The following WDR17 variants were observed in gnomAD, a reference collection of about 807,000 sequenced individuals.
The protein encoded by WDR17 is WD repeat-containing protein 17.
A neutral mutation model predicts 161.7 loss-of-function variants in WDR17; 143 were observed. The ratio of observed to expected loss-of-function variants is 0.88; its 90% CI spans 0.77 to 1.02. The LOEUF (loss-of-function observed/expected upper bound fraction) is 1.02, where lower values mean the gene tolerates loss of function less well. Among genes scored for constraint, WDR17 ranks in the 50% least tolerant of loss-of-function variants. WDR17 has a pLI of 0.00. For synonymous variants in WDR17, 517 were observed against 515.6 expected (o/e 1.00, Z -0.04); for missense variants, 1,469 against 1,520.9 (o/e 0.97, Z 0.57).
At chr4:176,166,163 TAAGAACAC>T (rs2126864543) in intron 22 of WDR17, 1 of 890,592 alleles carries the variant, frequency 1.1e-6, no homozygotes, top group East Asian at 3.0e-5. Flanking sequence ...TACTTTTATT[TAAGAACAC>T]ATTCCTTTAA....
intron 1 of WDR17, among the ~76,000 whole-genome samples, chr4:176,066,610 A>G (rs1004789446): frequency 1.3e-5 from 2 of 152,192 alleles, no homozygotes; most frequent in Non-Finnish European, 2.9e-5. Flanking sequence ...TCCCCTCTCC[A>G]AAATCAGACT....
intron 17 of WDR17, among the ~76,000 whole-genome samples, chr4:176,154,564 G>A (rs1350056526): frequency 1.3e-5 from 2 of 151,996 alleles, no homozygotes; most frequent in Admixed American, 1.3e-4. Flanking sequence ...ATTTTTTTAA[G>A]CTTATCTATT....
intron 9 of WDR17, among the ~76,000 whole-genome samples, chr4:176,139,247 T>C (rs1034151958): frequency 2.0e-5 from 3 of 151,972 alleles, no homozygotes; most frequent in Non-Finnish European, 2.9e-5. Context: ...ACAACTTTTA[T>C]TTACTGATCA....
intron 22 of WDR17, among the ~76,000 whole-genome samples, chr4:176,167,799 A>G (rs1750101509): frequency 6.6e-6 from 1 of 152,012 alleles, no homozygotes; most frequent in Non-Finnish European, 1.5e-5. Flanking sequence ...CTAAGTACAT[A>G]CCATTTTATA....
Position 176,131,689 on chromosome 4 carries a change from T to C in WDR17, c.1049T>C (p.Val350Ala), listed in dbSNP as rs368563812. Residue 350 changes from valine to alanine, a missense_variant, in exon 7 of 29, where the codon GTT (valine) becomes GCT (alanine). Transcript: ENST00000508596. Reference protein sequence around the residue: ...HAVCCFLDGGVGLYDMGAKKW... With the variant: ...HAVCCFLDGGAGLYDMGAKKW... ...GTGTGTTGTTTCTTGGATGGTGGAG[T>C]TGGACTTTATGATATGGGAGCTAAG... is the stretch of plus-strand genomic sequence containing the variant. 5 of 1,613,270 alleles carry C rather than the reference T, an allele frequency of 3.1e-6. No homozygotes were observed. The highest frequency in any genetic ancestry group is 4.2e-6 in the Non-Finnish European group (5 of 1,179,686).
intron 4 of WDR17, among the ~76,000 whole-genome samples, chr4:176,124,882 A>G (rs779380630): frequency 1.3e-5 from 2 of 152,208 alleles, no homozygotes; most frequent in Non-Finnish European, 2.9e-5. Context: ...CATTCAAGGC[A>G]CTGGAAATTG....
intron 1 of WDR17, among the ~76,000 whole-genome samples, chr4:176,095,604 C>T (rs1736727986): frequency 6.6e-6 from 1 of 152,006 alleles, no homozygotes; most frequent in Non-Finnish European, 1.5e-5. Flanking sequence ...TCCCCCCTCC[C>T]CTACCCTCCT....
At chr4:176,089,894 CCTT>C (rs1284309463) in intron 1 of WDR17, among the ~76,000 whole-genome samples, 10 of 152,042 alleles carry the variant, frequency 6.6e-5, no homozygotes, top group African/African-American at 2.4e-4. Flanking sequence ...TGCTTTTACT[CCTT>C]CTCCATTGTT....
chr4:176,151,484 T>C (rs1554032804), intron 16 of WDR17, among the ~76,000 whole-genome samples: 1 of 152,226 alleles, frequency 6.6e-6, no homozygotes, highest in Non-Finnish European at 1.5e-5. Context: ...CAGAGCTATA[T>C]GCTTTTGAAG....
At chr4:176,095,303 G>A (rs1482008118) in intron 1 of WDR17, among the ~76,000 whole-genome samples, 1 of 152,174 alleles carries the variant, frequency 6.6e-6, no homozygotes, top group Non-Finnish European at 1.5e-5. Flanking sequence ...CAAGGTAACA[G>A]ATTCAAGGAA....
intron 1 of WDR17, among the ~76,000 whole-genome samples, chr4:176,082,578 C>G (rs143450435): frequency 1.4e-4 from 22 of 151,938 alleles, no homozygotes; most frequent in Non-Finnish European, 1.5e-5. Flanking sequence ...TTGTCCTTAA[C>G]GATCCAAGAT....
intron 1 of WDR17, among the ~76,000 whole-genome samples, chr4:176,076,431 A>T (rs1329487636): frequency 9.2e-6 from 1 of 108,490 alleles, no homozygotes; most frequent in Non-Finnish European, 1.9e-5. Flanking sequence ...TTTTGGCTGC[A>T]TCTCAGATTG....
At chr4:176,160,521 C>T (rs1748876802) in intron 19 of WDR17, among the ~76,000 whole-genome samples, 1 of 152,050 alleles carries the variant, frequency 6.6e-6, no homozygotes, top group African/African-American at 2.4e-5. Flanking sequence ...GGGGTTTCAC[C>T]ATGTTGGCCA....
chr4:176,067,257 T>C (rs1267760870), intron 1 of WDR17, among the ~76,000 whole-genome samples: 1 of 152,210 alleles, frequency 6.6e-6, no homozygotes, highest in South Asian at 2.1e-4. Flanking sequence ...AAATTAAATA[T>C]AGTTATTAAG....
chr4:176,092,130 C>G (rs1220076452), intron 1 of WDR17, among the ~76,000 whole-genome samples: 1 of 151,994 alleles, frequency 6.6e-6, no homozygotes, highest in South Asian at 2.1e-4. Flanking sequence ...CAAAACCAGA[C>G]AAAGACCCAA....
intron 3 of WDR17, among the ~76,000 whole-genome samples, chr4:176,118,085 A>G (rs1740924823): frequency 6.6e-6 from 1 of 152,148 alleles, no homozygotes; most frequent in African/African-American, 2.4e-5. Context: ...CCAAATGTAA[A>G]ATGTAAAAAT....
At chr4:176,110,603 A>G (rs1200622695) in intron 1 of WDR17, among the ~76,000 whole-genome samples, 4 of 152,158 alleles carry the variant, frequency 2.6e-5, no homozygotes, top group Non-Finnish European at 5.9e-5. Flanking sequence ...TTTTGTTATG[A>G]TGAGTTTTCA....
intron 1 of WDR17, among the ~76,000 whole-genome samples, chr4:176,097,496 T>C (rs1389368813): frequency 6.6e-6 from 1 of 151,982 alleles, no homozygotes; most frequent in Non-Finnish European, 1.5e-5. Flanking sequence ...GGACTTTTTT[T>C]TCAGATACTT....
chr4:176,074,887 A>G (rs1733772992), intron 1 of WDR17, among the ~76,000 whole-genome samples: 1 of 136,856 alleles, frequency 7.3e-6, no homozygotes, highest in Admixed American at 7.9e-5. Flanking sequence ...TGAGTGGATG[A>G]GTAAATTGTG....
Sources: allele counts gnomAD v4.1 joint callset (sites outside exome capture counted in the v4.1 genomes callset), GRCh38; gene constraint gnomAD v4.1.1; transcripts MANE v1.5; gene names NCBI Gene and HGNC (gene_info 2026-07-23, HGNC 2026-07-21).